PRSS8: variants seen among roughly 807,000 people sequenced by gnomAD.
PRSS8 encodes the protein serine protease 8.
In PRSS8, 11 loss-of-function variants were observed where a neutral mutation model predicts 26.7. That is an observed-to-expected ratio of 0.41 (90% CI 0.26 to 0.68). The LOEUF is 0.68. Among genes scored for constraint, PRSS8 ranks in the 30% least tolerant of loss-of-function variants. The probability of loss-of-function intolerance (pLI) is 0.30; values close to 1 mark genes in which losing one functional copy is unlikely to be tolerated. For synonymous variants in PRSS8, 183 were observed against 187.0 expected (o/e 0.98, Z 0.17); for missense variants, 362 against 443.5 (o/e 0.82, Z 1.65).
In PRSS8 at chr16:31,132,764, G is replaced by T; in HGVS notation, c.456C>A (p.Pro152=). ...RPITFSRYIR[P]ICLPAANASF... ...AGGCGTTGGCTGCAGGGAGGCAGAT[G>T]GGCCGGATGTAGCGGGAGAAGGTGA... Residue 152 remains proline (P), a synonymous_variant, in exon 4 of 6, where the codon CCC becomes CCA. Coordinates refer to ENST00000317508, the MANE Select transcript of PRSS8 (RefSeq NM_002773.5). The surrounding 1 kb of genome is among the most constrained non-coding windows in gnomAD (Gnocchi z 5.2). 1 of 1,614,008 alleles carries T rather than the reference G, an allele frequency of 6.2e-7. No individual in the cohort carries two copies. The highest frequency in any genetic ancestry group is 8.5e-7 in the Non-Finnish European group (1 of 1,179,884).
At position 31,133,431 on chromosome 16, in the gene PRSS8, C is replaced by G. The variant is rs1372316179; in HGVS notation, c.104-43G>C. 11 of 1,606,306 alleles carry G rather than the reference C, an allele frequency of 6.8e-6. No individual in the cohort carries two copies. The Admixed American group carries it at 1.9e-4, about 27-fold the overall frequency. The stretch of plus-strand genomic sequence containing the variant: ...GAAGGGGTCAGGTTGTTAGCCTGGC[C>G]ACTCCTATGCAGCCCAGGAGCTCTG... On this transcript the variant is annotated intron_variant, in intron 2 of 5. Transcript: ENST00000317508. The surrounding 1 kb of genome is among the most constrained non-coding windows in gnomAD (Gnocchi z 4.7).
In PRSS8 at chr16:31,132,205, G is replaced by C; in HGVS notation, c.836C>G (p.Ser279Cys). ...TTCTGTCACCTTGCTTTGGATCCAG[G>C]AGGCATAGCTGGAGGCCAGAGTGTA... is the stretch of plus-strand genomic sequence containing the variant. Reference protein sequence around the residue: ...GVYTLASSYASWIQSKVTELQ... With the variant: ...GVYTLASSYACWIQSKVTELQ... The change falls in exon 6 of 6, where the codon TCC becomes TGC. Residue 279 changes from serine (S) to cysteine (C), a missense_variant. Coordinates refer to ENST00000317508, the MANE Select transcript of PRSS8 (RefSeq NM_002773.5). This position sits in a 1 kb window ranked among gnomAD's most constrained non-coding sequence, Gnocchi z 5.2. The C allele has an allele frequency of 6.2e-7, 1 of 1,613,934 alleles. No homozygotes were observed. Among genetic ancestry groups the C allele is most frequent in the African/African-American group, 1.3e-5 (1 of 75,044 alleles).
Position 31,132,636 on chromosome 16 carries a change from G to C in PRSS8, c.539-41C>G. On this transcript the variant is annotated intron_variant, in intron 4 of 5. Coordinates refer to ENST00000317508, the MANE Select transcript of PRSS8 (RefSeq NM_002773.5). The surrounding 1 kb of genome is among the most constrained non-coding windows in gnomAD (Gnocchi z 5.2). ...AGGCTTACCCTGGGCCCCTCCCCAAGTCAGGTGCCCCTCCACACCTCTAGG... is the reference window on the plus strand; with the variant it reads ...AGGCTTACCCTGGGCCCCTCCCCAACTCAGGTGCCCCTCCACACCTCTAGG... 6.2e-7 allele frequency: 1 copy of C among 1,613,208 alleles called. No homozygotes were observed. The highest frequency in any genetic ancestry group is 8.5e-7 in the Non-Finnish European group (1 of 1,179,264).
In PRSS8 at chr16:31,132,016, TCGCTGA is replaced by T. The variant is rs754601063; in HGVS notation, c.1019_1024del (p.Leu340_Glu342delinsGln). 3.2e-6 allele frequency: 5 copies of T among 1,568,288 alleles called. No individual in the cohort carries two copies. The South Asian group carries it at 5.9e-5, about 18-fold the overall frequency. ...CCTGGAAGTAGGGCCAGCTCAGTGC[TCGCTGA>T]GCCATGGGGAGAGGAGGCCCAGAGC... is the stretch of plus-strand genomic sequence containing the variant. On this transcript the variant is annotated inframe_deletion, in exon 6 of 6. Transcript: ENST00000317508. The surrounding 1 kb of genome is among the most constrained non-coding windows in gnomAD (Gnocchi z 5.2).
Position 31,132,507 on chromosome 16 carries a change from G to GGCGTCGATGTTGTACAGGCAGTTAC in PRSS8, c.602_626dup (p.Lys210Ter). On this transcript the variant is annotated stop_gained and frameshift_variant, in exon 5 of 6. Coordinates refer to ENST00000317508, the MANE Select transcript of PRSS8 (RefSeq NM_002773.5). LOFTEE classifies it high-confidence loss of function. The surrounding 1 kb of genome is among the most constrained non-coding windows in gnomAD (Gnocchi z 5.2). Reference sequence around the variant, plus strand: ...GGACAAAGTGCGGCTCCTCAGGCTTGGCGTCGATGTTGTACAGGCAGTTAC... The same window carrying GGCGTCGATGTTGTACAGGCAGTTAC: ...GGACAAAGTGCGGCTCCTCAGGCTTGGCGTCGATGTTGTACAGGCAGTTACGCGTCGATGTTGTACAGGCAGTTAC... 1 of 1,614,078 alleles carries GGCGTCGATGTTGTACAGGCAGTTAC rather than the reference G, an allele frequency of 6.2e-7. No homozygotes were observed. Among genetic ancestry groups the GGCGTCGATGTTGTACAGGCAGTTAC allele is most frequent in the Non-Finnish European group, 8.5e-7 (1 of 1,179,910 alleles).
Position 31,132,346 on chromosome 16 carries a change from A to G in PRSS8, c.706-11T>C. On this transcript the variant is annotated splice_polypyrimidine_tract_variant and intron_variant, in intron 5 of 5. Transcript: ENST00000317508. This position sits in a 1 kb window ranked among gnomAD's most constrained non-coding sequence, Gnocchi z 5.2. ...GCCCCCAGAGTCACCCTGAGGAGAG[A>G]AGCCACACAGCAGCCATCAGGACCG... 3 of 1,613,880 alleles carry G rather than the reference A, an allele frequency of 1.9e-6. No homozygotes were observed. The highest frequency in any genetic ancestry group is 1.7e-6 in the Non-Finnish European group (2 of 1,179,846).
Position 31,135,606 on chromosome 16 carries a change from G to T in PRSS8, c.-108C>A. On this transcript the variant is annotated 5_prime_UTR_variant, in exon 1 of 6. It adds an upstream start codon to the 5' untranslated region. Transcript: ENST00000317508. ...TGTTGGCTCAGAGGGAAGGATCCCA[G>T]AATCCGGGCTGGAAAGGGGCAGCAA... The T allele has an allele frequency of 1.0e-6, 1 of 1,000,676 alleles. No homozygotes were observed. The highest frequency in any genetic ancestry group is 1.5e-6 in the Non-Finnish European group (1 of 689,450). The allele number at this position is 1,000,676 out of a possible 1,614,324, so 62.0% of individuals were successfully genotyped here.
Position 31,132,384 on chromosome 16 carries a change from T to C in PRSS8, c.705+45A>G. The C allele has an allele frequency of 6.2e-7, 1 of 1,613,902 alleles. No homozygotes were observed. The highest frequency in any genetic ancestry group is 8.5e-7 in the Non-Finnish European group (1 of 1,179,838). On this transcript the variant is annotated intron_variant, in intron 5 of 5. Coordinates refer to ENST00000317508, the MANE Select transcript of PRSS8 (RefSeq NM_002773.5). This position sits in a 1 kb window ranked among gnomAD's most constrained non-coding sequence, Gnocchi z 5.2. Reference sequence around the variant, plus strand: ...GCCATCAGGACCGGGCCAGGCCTCCTTTCCGAAGTTGCACTGGTCATCTGC... The same window carrying C: ...GCCATCAGGACCGGGCCAGGCCTCCCTTCCGAAGTTGCACTGGTCATCTGC...
In PRSS8 at chr16:31,133,886, C is replaced by T. The variant is rs1160526594; in HGVS notation, c.104-498G>A. ...TTTGCCTGTGGATGCTTGATTGGAA[C>T]AGCAGCCCCTCCGTAGACAGGCGGG... On this transcript the variant is annotated intron_variant, in intron 2 of 5. Coordinates refer to ENST00000317508, the MANE Select transcript of PRSS8 (RefSeq NM_002773.5). This position sits in a 1 kb window ranked among gnomAD's most constrained non-coding sequence, Gnocchi z 4.7. 6.6e-6 allele frequency among the ~76,000 whole-genome samples: 1 copy of T among 152,182 alleles called. No homozygotes were observed.
At position 31,132,391 on chromosome 16, in the gene PRSS8, A is replaced by C. The variant is rs769491600; in HGVS notation, c.705+38T>G. The C allele has an allele frequency of 6.2e-7, 1 of 1,613,824 alleles. No homozygotes were observed. Among genetic ancestry groups the C allele is most frequent in the Non-Finnish European group, 8.5e-7 (1 of 1,179,804 alleles). On this transcript the variant is annotated intron_variant, in intron 5 of 5. Transcript: ENST00000317508. The surrounding 1 kb of genome is among the most constrained non-coding windows in gnomAD (Gnocchi z 5.2). ...GGACCGGGCCAGGCCTCCTTTCCGA[A>C]GTTGCACTGGTCATCTGCCCCCCGG...
At chr16:31,134,876 A>C in intron 2 of PRSS8, 1 of 483,704 alleles carries the variant, frequency 2.1e-6, no homozygotes, top group Non-Finnish European at 3.8e-6. Flanking sequence ...ACCCTGTTTC[A>C]AAAGACAAAA....
chr16:31,135,304 A>C, intron 1 of PRSS8, 110 bp downstream of exon 1: 4 of 1,580,912 alleles, frequency 2.5e-6, no homozygotes, highest in South Asian at 1.1e-5. Context: ...GCCAAGAGCT[A>C]GGGAGGCCGG....
chr16:31,134,980 C>CAAGTCCCTGCTT, intron 2 of PRSS8, 174 bp downstream of exon 2: 1 of 737,654 alleles, frequency 1.4e-6, no homozygotes, highest in Non-Finnish European at 2.2e-6. Context: ...GTGCCCTGGG[C>CAAGTCCCTGCTT]AAGTCCCTGC....
chr16:31,135,035 C>A, intron 2 of PRSS8, 119 bp downstream of exon 2: 1 of 1,287,858 alleles, frequency 7.8e-7, no homozygotes, highest in South Asian at 1.4e-5. Flanking sequence ...ACTCTGGGAG[C>A]CCTAAGAGAA....
At chr16:31,135,258 G>T (rs1198333080) in intron 1 of PRSS8, 87 bp from the exon 2 acceptor site, 2 of 1,603,194 alleles carry the variant, frequency 1.2e-6, no homozygotes, top group Non-Finnish European at 1.7e-6. Context: ...CAGAGGGCTG[G>T]CCCCTTCCCT....
Position 31,133,448 on chromosome 16 carries a change from G to A in PRSS8, c.104-60C>T, listed in dbSNP as rs2057591764. On this transcript the variant is annotated intron_variant, in intron 2 of 5. Transcript: ENST00000317508. This position sits in a 1 kb window ranked among gnomAD's most constrained non-coding sequence, Gnocchi z 4.7. The stretch of plus-strand genomic sequence containing the variant: ...AGCCTGGCCACTCCTATGCAGCCCA[G>A]GAGCTCTGATATAGAGCTTGGGAAG... 2 of 1,593,312 alleles carry A rather than the reference G, an allele frequency of 1.3e-6. No homozygotes were observed. Among genetic ancestry groups the A allele is most frequent in the African/African-American group, 2.7e-5 (2 of 74,630 alleles).
Position 31,131,903 on chromosome 16 carries a change from T to C in PRSS8, c.*106A>G, listed in dbSNP as rs2057582061. On this transcript the variant is annotated 3_prime_UTR_variant, in exon 6 of 6. Coordinates refer to ENST00000317508, the MANE Select transcript of PRSS8 (RefSeq NM_002773.5). ...GGGGCCCCAGCCTCCCGCAGAGTCC[T>C]GAAGGAAGGAGTGGCTCAAGTCAGG... 1 of 1,302,400 alleles carries C rather than the reference T, an allele frequency of 7.7e-7. No homozygotes were observed. The highest frequency in any genetic ancestry group is 2.8e-5 in the Admixed American group (1 of 35,216). The allele number at this position is 1,302,400 out of a possible 1,614,324, so 80.7% of individuals were successfully genotyped here.
In PRSS8 at chr16:31,132,656, T is replaced by A. The variant is rs1162580483; in HGVS notation, c.538+26A>T. ...CCCAAGTCAGGTGCCCCTCCACACC[T>A]CTAGGCACCCAGCGTCCCACCTCAC... On this transcript the variant is annotated intron_variant, in intron 4 of 5. Transcript: ENST00000317508. This position sits in a 1 kb window ranked among gnomAD's most constrained non-coding sequence, Gnocchi z 5.2. 6.2e-7 allele frequency: 1 copy of A among 1,613,530 alleles called. No individual in the cohort carries two copies. Among genetic ancestry groups the A allele is most frequent in the Admixed American group, 1.7e-5 (1 of 59,994 alleles).
At chr16:31,134,850 G>A (rs1041007941) in intron 2 of PRSS8, 20 of 412,262 alleles carry the variant, frequency 4.9e-5, no homozygotes, top group Non-Finnish European at 7.6e-5. Flanking sequence ...TCCAGCCTGG[G>A]TGACGACAGA....
Sources: gnomAD v4.1 joint callset for allele counts (sites outside exome capture counted in the v4.1 genomes callset) on GRCh38, gnomAD v4.1.1 for gene constraint, Gnocchi (gnomAD v3.1) non-coding constraint, MANE v1.5 for transcripts, NCBI Gene and HGNC (gene_info 2026-07-23, HGNC 2026-07-21) for gene names.